The following PRKAR1B variants were observed in gnomAD, a reference collection of about 807,000 sequenced individuals.
The protein encoded by PRKAR1B is cAMP-dependent protein kinase type I-beta regulatory subunit.
In PRKAR1B, 22 loss-of-function variants were observed where a neutral mutation model predicts 46.5. The ratio of observed to expected loss-of-function variants is 0.47; its 90% CI spans 0.34 to 0.68. PRKAR1B has a LOEUF of 0.68. Ranked by LOEUF, PRKAR1B falls within the 30% of genes least tolerant of loss-of-function variation. The pLI is 0.01. For missense variants in PRKAR1B, 445 were observed against 535.6 expected (o/e 0.83, Z 1.67); for synonymous variants, 259 against 217.7 (o/e 1.19, Z -1.67).
intron 4 of PRKAR1B, among the ~76,000 whole-genome samples, chr7:645,506 G>A (rs569325540): frequency 6.6e-6 from 1 of 152,216 alleles, no homozygotes; most frequent in South Asian, 2.1e-4. Flanking sequence ...AAAATAATTA[G>A]CCGGGTGTGA....
intron 4 of PRKAR1B, among the ~76,000 whole-genome samples, chr7:658,693 C>T (rs1785339919): frequency 6.6e-6 from 1 of 152,118 alleles, no homozygotes; most frequent in Admixed American, 6.5e-5. Context: ...CTCTGTTGCC[C>T]AGGCTGGAGT....
At chr7:561,312 G>T (rs1371274710) in intron 9 of PRKAR1B, among the ~76,000 whole-genome samples, 2 of 152,152 alleles carry the variant, frequency 1.3e-5, no homozygotes, top group African/African-American at 4.8e-5. Context: ...GATGCAAGCA[G>T]CCCCTGCCTC....
chr7:583,063 G>A (rs1485470787), intron 8 of PRKAR1B, among the ~76,000 whole-genome samples: 3 of 152,080 alleles, frequency 2.0e-5, no homozygotes, highest in Non-Finnish European at 4.4e-5. Context: ...AGGGCCGGGA[G>A]GGCAGGGGGG....
At chr7:555,053 G>A (rs1778343356) in intron 9 of PRKAR1B, among the ~76,000 whole-genome samples, 1 of 152,220 alleles carries the variant, frequency 6.6e-6, no homozygotes, top group Non-Finnish European at 1.5e-5. Flanking sequence ...CAGAAAGACA[G>A]AACCTACCTC....
chr7:585,234 C>T (rs1047737502), intron 7 of PRKAR1B, among the ~76,000 whole-genome samples: 3 of 152,166 alleles, frequency 2.0e-5, no homozygotes, highest in Non-Finnish European at 4.4e-5. Flanking sequence ...AGCTGATGGG[C>T]CCTGGTGCAA....
intron 4 of PRKAR1B, among the ~76,000 whole-genome samples, chr7:654,199 T>C: frequency 6.9e-6 from 1 of 144,882 alleles, no homozygotes; most frequent in African/African-American, 2.6e-5. Flanking sequence ...TCTTCACCAC[T>C]ATCACCATCA....
At chr7:584,645 C>A in intron 7 of PRKAR1B, 77 bp from the exon 8 acceptor site, 1 of 1,257,560 alleles carries the variant, frequency 8.0e-7, no homozygotes, top group South Asian at 1.3e-5. Context: ...CCAGATTTCC[C>A]CAAATGACTC....
chr7:580,034 C>T (rs570866013), intron 8 of PRKAR1B, among the ~76,000 whole-genome samples: 83 of 152,220 alleles, frequency 5.5e-4, no homozygotes, highest in African/African-American at 2.0e-3. Context: ...GAGTTCAAGA[C>T]CAGCCTGGGC....
chr7:588,747 A>ATGACGGTGGTGATGGTGATGG (rs1396032662), intron 7 of PRKAR1B, among the ~76,000 whole-genome samples: 1 of 5,986 alleles, frequency 1.7e-4, no homozygotes, highest in African/African-American at 5.5e-4. Flanking sequence ...GACAGTGGTG[A>ATGACGGTGGTGATGGTGATGG]TGGTGATGGT....
At chr7:660,860 T>TCC (rs1562596155) in intron 4 of PRKAR1B, among the ~76,000 whole-genome samples, 1 of 101,068 alleles carries the variant, frequency 9.9e-6, no homozygotes, top group Non-Finnish European at 1.9e-5. Context: ...ATACCTACTC[T>TCC]GCCCCCCATG....
In PRKAR1B at chr7:636,398, ACGTCCTC is replaced by A. The variant is rs1562579301; in HGVS notation, c.441-28953_441-28947del. Among the ~76,000 whole-genome samples the A allele has an allele frequency of 5.2e-4, 34 of 65,546 alleles. 2 individuals are homozygous for A. The highest frequency in any genetic ancestry group is 1.9e-3 in the African/African-American group (34 of 17,552). The allele number at this position is 65,546 out of a possible 152,430, so 43.0% of individuals were successfully genotyped here. On this transcript the variant is annotated intron_variant, in intron 4 of 10. Coordinates refer to ENST00000537384, the MANE Select transcript of PRKAR1B (RefSeq NM_001164760.2). ...CACGTCCTCCACCGGCCGCGCCCTC[ACGTCCTC>A]CACCGGCCGCGCCCACACGTCCTCC...
chr7:722,706 A>G (rs548025372), intron 1 of PRKAR1B, among the ~76,000 whole-genome samples: 1 of 152,356 alleles, frequency 6.6e-6, no homozygotes, highest in South Asian at 2.1e-4. Context: ...TTCTTGGCAG[A>G]TGATTCCAAC....
At chr7:653,081 C>T (rs1026704857) in intron 4 of PRKAR1B, among the ~76,000 whole-genome samples, 5 of 152,218 alleles carry the variant, frequency 3.3e-5, no homozygotes, top group African/African-American at 9.6e-5. Context: ...GAAGGACCCG[C>T]TCCCAGTGGA....
intron 8 of PRKAR1B, among the ~76,000 whole-genome samples, chr7:583,342 C>T (rs1780312744): frequency 6.6e-6 from 1 of 152,026 alleles, no homozygotes; most frequent in South Asian, 2.1e-4. Flanking sequence ...TGCATACACA[C>T]ACGTGCACAC....
At chr7:718,114 G>A (rs74337705) in intron 1 of PRKAR1B, among the ~76,000 whole-genome samples, 2,455 of 151,990 alleles carry the variant, frequency 0.016, 53 homozygotes, top group African/African-American at 0.045. Context: ...ACTTGGGAAC[G>A]GTCCCTTCCT....
chr7:649,407 TC>T (rs1394446332), intron 4 of PRKAR1B, among the ~76,000 whole-genome samples: 2 of 152,244 alleles, frequency 1.3e-5, no homozygotes, highest in Non-Finnish European at 2.9e-5. Flanking sequence ...ATCATATTTT[TC>T]TTCAGGATTT....
Position 677,314 on chromosome 7 carries a change from G to A in PRKAR1B, c.355C>T (p.Pro119Ser). The A allele has an allele frequency of 1.2e-6, 2 of 1,614,228 alleles. No individual in the cohort carries two copies. Among genetic ancestry groups the A allele is most frequent in the Non-Finnish European group, 1.7e-6 (2 of 1,180,030 alleles). ...GCAGTCATGGTTTTGTAGTCCTTGG[G>A]AATCACCTGAAGCGGAGCCAACACA... The part of the protein sequence containing the change: ...DAVSYVRKVI[P>S]KDYKTMTALA... Residue 119 changes from proline (P) to serine (S), a missense_variant, in exon 4 of 11, where the codon CCC becomes TCC. This residue lies in a region of PRKAR1B where 94 missense variants were observed against 126.9 expected (regional missense o/e 0.74). Transcript: ENST00000537384.
At chr7:720,575 G>A (rs1006966855) in intron 1 of PRKAR1B, among the ~76,000 whole-genome samples, 4 of 152,178 alleles carry the variant, frequency 2.6e-5, no homozygotes, top group Non-Finnish European at 5.9e-5. Flanking sequence ...GCTGAGTTGG[G>A]GGCTGAAGTC....
rs191390700 is a variant in PRKAR1B at position 695,703 on chromosome 7, G to A, written c.178-14977C>T. On this transcript the variant is annotated intron_variant, in intron 2 of 10. Coordinates refer to ENST00000537384, the MANE Select transcript of PRKAR1B (RefSeq NM_001164760.2). ...TTTTGAGACGGAGTCTCGCTCTGTCGCCCAGGCTGGAGTGTAGTGGCGTGA... is the reference window on the plus strand; with the variant it reads ...TTTTGAGACGGAGTCTCGCTCTGTCACCCAGGCTGGAGTGTAGTGGCGTGA... Among the ~76,000 whole-genome samples the A allele has an allele frequency of 4.4e-3, 662 of 151,340 alleles. 2 individuals are homozygous for A. The highest frequency in any genetic ancestry group is 4.4e-3 in the Non-Finnish European group (297 of 67,858).
Sources: gnomAD v4.1 joint callset for allele counts (sites outside exome capture counted in the v4.1 genomes callset) on GRCh38, gnomAD v4.1.1 for gene constraint, gnomAD v4.1.1 regional missense constraint, MANE v1.5 for transcripts, NCBI Gene and HGNC (gene_info 2026-07-23, HGNC 2026-07-21) for gene names.